The following UGT1A7 variants were observed in gnomAD, a reference collection of about 807,000 sequenced individuals.
UGT1A7 encodes UDP glucuronosyltransferase family 1 member A7.
Under a neutral mutation model 45.6 loss-of-function variants are expected in UGT1A7, and 33 were observed. The observed-to-expected ratio is 0.72, with a 90% CI of 0.55 to 0.97. The LOEUF (loss-of-function observed/expected upper bound fraction) is 0.97. Among genes scored for constraint, UGT1A7 ranks in the 50% least tolerant of loss-of-function variants. The pLI, the probability that UGT1A7 is intolerant of heterozygous loss-of-function variation, is 0.00. For synonymous variants in UGT1A7, 274 were observed against 250.6 expected, an observed-to-expected ratio of 1.09 and a Z score of -0.88; for missense variants, 684 against 666.2, an observed-to-expected ratio of 1.03 and a Z score of -0.29.
chr2:233,747,597 G>A (rs1160963474), intron 1 of UGT1A7: 51 of 1,576,164 alleles, frequency 3.2e-5, no homozygotes, highest in Non-Finnish European at 4.2e-5. Context: ...TAGGTCTTGT[G>A]TGGAGCTACT....
In UGT1A7 at chr2:233,733,915, C is replaced by T. The variant is rs114264669; in HGVS notation, c.856-33119C>T. On this transcript the variant is annotated intron_variant, in intron 1 of 4. Coordinates refer to ENST00000373426, the MANE Select transcript of UGT1A7 (RefSeq NM_019077.3). ...CTGTTTGTACCTCTCTGGTAGAATT[C>T]GGCTGTGAGGAAGGGGAACATCACA... is the stretch of plus-strand genomic sequence containing the variant. Among the ~76,000 whole-genome samples, 1,498 of 151,134 alleles carry T rather than the reference C, an allele frequency of 9.9e-3. 23 individuals are homozygous for T. The highest frequency in any genetic ancestry group is 0.035 in the African/African-American group (1,427 of 41,026).
At chr2:233,736,786 G>A (rs774557184) in intron 1 of UGT1A7, among the ~76,000 whole-genome samples, 1 of 152,166 alleles carries the variant, frequency 6.6e-6, no homozygotes, top group Non-Finnish European at 1.5e-5. Context: ...CTCAGCTGCA[G>A]GTCTGTTGGA....
Position 233,769,827 on chromosome 2 carries a change from C to A in UGT1A7, c.1295+1388C>A, listed in dbSNP as rs926014830. ...CCGTGATCATGCCACTGCACTCCAGCAACCTGGGCAACAGAGTGAGACCCT... is the reference window on the plus strand; with the variant it reads ...CCGTGATCATGCCACTGCACTCCAGAAACCTGGGCAACAGAGTGAGACCCT... On this transcript the variant is annotated intron_variant, in intron 4 of 4. Transcript: ENST00000373426. This position sits in a 1 kb window ranked among gnomAD's most constrained non-coding sequence, Gnocchi z 4.4. 26 of 649,106 alleles carry A rather than the reference C, an allele frequency of 4.0e-5. No individual in the cohort carries two copies. The highest frequency in any genetic ancestry group is 5.2e-5 in the Non-Finnish European group (23 of 440,480). 40.2% of individuals were successfully genotyped at this position (649,106 alleles called of 1,614,324 possible). A position where few individuals can be genotyped will look rare whatever the true frequency, so the allele number is the denominator to read the frequency against.
At chr2:233,691,650 A>T (rs1174278220) in intron 1 of UGT1A7, 8 of 984,910 alleles carry the variant, frequency 8.1e-6, no homozygotes, top group Non-Finnish European at 2.4e-6. Flanking sequence ...GGCCAGTGTG[A>T]CCCTCCCTTT....
chr2:233,698,768 A>C (rs2075461107), intron 1 of UGT1A7, among the ~76,000 whole-genome samples: 1 of 152,254 alleles, frequency 6.6e-6, no homozygotes, highest in African/African-American at 2.4e-5. Context: ...TCAGAAAGAA[A>C]GAGTATCCTT....
At chr2:233,764,795 T>C (rs148070412) in intron 1 of UGT1A7, among the ~76,000 whole-genome samples, 7 of 152,082 alleles carry the variant, frequency 4.6e-5, no homozygotes, top group Non-Finnish European at 7.4e-5. Flanking sequence ...CCTCAGGGTG[T>C]TCTTGCTACA....
At chr2:233,720,631 A>G (rs2076876608) in intron 1 of UGT1A7, among the ~76,000 whole-genome samples, 1 of 151,986 alleles carries the variant, frequency 6.6e-6, no homozygotes. Context: ...TCATTGAAAT[A>G]GTACTCTGGG....
chr2:233,729,600 G>A (rs751884181), intron 1 of UGT1A7: 13 of 1,613,992 alleles, frequency 8.1e-6, no homozygotes, highest in South Asian at 2.2e-5. Context: ...ACCTCTGCGC[G>A]GCAGTGCTGG....
Position 233,691,144 on chromosome 2 carries a change from G to C in UGT1A7, c.855+8352G>C, listed in dbSNP as rs946749152. 3 of 985,646 alleles carry C rather than the reference G, an allele frequency of 3.0e-6. No homozygotes were observed. The African/African-American group carries it at 5.2e-5, about 17-fold the overall frequency. The allele number at this position is 985,646 out of a possible 1,614,324, so 61.1% of individuals were successfully genotyped here. ...AAGCCATTCTTCCTCTAGATGAACT[G>C]TTCTTTGAAGGAAACCTGCCTAATG... On this transcript the variant is annotated intron_variant, in intron 1 of 4. Coordinates refer to ENST00000373426, the MANE Select transcript of UGT1A7 (RefSeq NM_019077.3).
rs1438675423 is a variant in UGT1A7 at position 233,720,224 on chromosome 2, C to CA, written c.855+37433dup. On this transcript the variant is annotated intron_variant, in intron 1 of 4. Coordinates refer to ENST00000373426, the MANE Select transcript of UGT1A7 (RefSeq NM_019077.3). ...TGAAGGTGGGATGGATGCATGTGAT[C>CA]AGAGAATGAAACATGGAGTTCAGTT... is the stretch of plus-strand genomic sequence containing the variant. Among the ~76,000 whole-genome samples the CA allele has an allele frequency of 3.3e-5, 5 of 152,078 alleles. No homozygotes were observed. The East Asian group carries it at 9.6e-4, about 29-fold the overall frequency.
At chr2:233,755,840 T>G (rs557934522) in intron 1 of UGT1A7, 1 of 152,356 alleles carries the variant, frequency 6.6e-6, no homozygotes, top group Admixed American at 6.5e-5. Flanking sequence ...ATTGGGCAAT[T>G]TAAGAAGAAT....
Position 233,682,164 on chromosome 2 carries a change from C to T in UGT1A7, c.227C>T (p.Thr76Ile), listed in dbSNP as rs374860015. Residue 76 changes from threonine to isoleucine, a missense_variant, in exon 1 of 5, where the codon ACT becomes ATT. Transcript: ENST00000373426. ...AGATCACTGAATTGCACAGTGAAGA[C>T]TTACTCAACCTCATACACTCTGGAG... is the stretch of plus-strand genomic sequence containing the variant. Reference protein sequence around the residue: ...LGRSLNCTVKTYSTSYTLEDQ... With the variant: ...LGRSLNCTVKIYSTSYTLEDQ... 7.1e-5 allele frequency: 114 copies of T among 1,614,088 alleles called. No homozygotes were observed. The highest frequency in any genetic ancestry group is 9.1e-5 in the Non-Finnish European group (107 of 1,180,034).
In UGT1A7 at chr2:233,760,246, A is replaced by ATG. The variant is rs772016461; in HGVS notation, c.856-6787_856-6786insGT. 1.6e-5 allele frequency: 25 copies of ATG among 1,608,940 alleles called. No homozygotes were observed. The South Asian group carries it at 2.6e-4, about 17-fold the overall frequency. ...ATTGGTTTTTGCCATATATATATAT[A>ATG]TAAGTAGGAGAGGGCGAACCTCTGG... On this transcript the variant is annotated intron_variant, in intron 1 of 4. Coordinates refer to ENST00000373426, the MANE Select transcript of UGT1A7 (RefSeq NM_019077.3).
intron 1 of UGT1A7, chr2:233,690,452 A>G: frequency 3.9e-6 from 5 of 1,287,814 alleles, no homozygotes; most frequent in Non-Finnish European, 5.1e-6. Flanking sequence ...TCTATTCAAA[A>G]TGCCAGCTAT....
At chr2:233,737,438 C>T (rs756713740) in intron 1 of UGT1A7, among the ~76,000 whole-genome samples, 1 of 152,164 alleles carries the variant, frequency 6.6e-6, no homozygotes, top group Non-Finnish European at 1.5e-5. Context: ...GTGGGAGTGT[C>T]CCGTTTTTCC....
intron 1 of UGT1A7, among the ~76,000 whole-genome samples, chr2:233,709,420 GTCC>G (rs1443021141): frequency 6.6e-6 from 1 of 152,122 alleles, no homozygotes; most frequent in Non-Finnish European, 1.5e-5. Context: ...CAATAAGAAT[GTCC>G]TCCAGAAAGG....
intron 1 of UGT1A7, among the ~76,000 whole-genome samples, chr2:233,698,148 C>T (rs1209454393): frequency 6.6e-6 from 1 of 152,182 alleles, no homozygotes; most frequent in Non-Finnish European, 1.5e-5. Context: ...ACTGTATTCC[C>T]AGCATGTCGT....
intron 1 of UGT1A7, among the ~76,000 whole-genome samples, chr2:233,725,499 G>A (rs1219431340): frequency 6.6e-6 from 1 of 151,906 alleles, no homozygotes; most frequent in African/African-American, 2.4e-5. Flanking sequence ...AGAAACCACT[G>A]AAATTAATTT....
At position 233,682,303 on chromosome 2, in the gene UGT1A7, A is replaced by G. The variant is rs953651493; in HGVS notation, c.366A>G (p.Ser122=). The change falls in exon 1 of 5, where the codon TCA becomes TCG. Residue 122 remains serine, a synonymous_variant. Coordinates refer to ENST00000373426, the MANE Select transcript of UGT1A7 (RefSeq NM_019077.3). ...SSNGIFDLFF[S]NCRSLFNDRK... ...ATGGTATTTTTGACTTATTTTTTTC[A>G]AATTGCAGGAGTTTGTTTAATGACC... 16 of 1,613,966 alleles carry G rather than the reference A, an allele frequency of 9.9e-6. No homozygotes were observed. The highest frequency in any genetic ancestry group is 1.2e-5 in the Non-Finnish European group (14 of 1,179,988).
Sources: allele counts gnomAD v4.1 joint callset (sites outside exome capture counted in the v4.1 genomes callset), GRCh38; gene constraint gnomAD v4.1.1; non-coding constraint Gnocchi (gnomAD v3.1); transcripts MANE v1.5; gene names NCBI Gene and HGNC (gene_info 2026-07-23, HGNC 2026-07-21).